Variants in NALF1 observed in about 807,000 individuals in gnomAD.
NALF1 encodes NALCN channel auxiliary factor 1, also known as family with sequence similarity 155 member A.
In NALF1, 3 loss-of-function variants were observed where a neutral mutation model predicts 48.4. The ratio of observed to expected loss-of-function variants is 0.06; its 90% CI spans 0.03 to 0.16. The LOEUF (loss-of-function observed/expected upper bound fraction) is 0.16. NALF1 is among the 10% of genes least tolerant of loss of function. The pLI, the probability that NALF1 is intolerant of heterozygous loss-of-function variation, is 1.00. For synonymous variants in NALF1, 262 were observed against 245.7 expected, an observed-to-expected ratio of 1.07 and a Z score of -0.62; for missense variants, 526 against 571.5, an observed-to-expected ratio of 0.92 and a Z score of 0.81.
At chr13:107,839,256 G>A (rs1368133273) in intron 1 of NALF1, among the ~76,000 whole-genome samples, 2 of 150,894 alleles carry the variant, frequency 1.3e-5, no homozygotes, top group African/African-American at 2.4e-5. Context: ...ATGTAAAATC[G>A]TAGGTGTTAT....
chr13:107,585,031 T>G (rs550951593), intron 1 of NALF1, among the ~76,000 whole-genome samples: 1 of 152,238 alleles, frequency 6.6e-6, no homozygotes, highest in South Asian at 2.1e-4. Context: ...AGATAAAATG[T>G]GACATAACTG....
At chr13:107,585,238 A>G (rs1275419009) in intron 1 of NALF1, among the ~76,000 whole-genome samples, 2 of 152,180 alleles carry the variant, frequency 1.3e-5, no homozygotes, top group Non-Finnish European at 2.9e-5. Flanking sequence ...CTGAAAATAG[A>G]TACAGATAAA....
chr13:107,839,983 G>T (rs1880000681), intron 1 of NALF1, among the ~76,000 whole-genome samples: 1 of 151,030 alleles, frequency 6.6e-6, no homozygotes, highest in African/African-American at 2.4e-5. Flanking sequence ...ATGCTCTTAT[G>T]TAGACAAAGG....
In NALF1 at chr13:107,479,623, G is replaced by T. The variant is rs75685899; in HGVS notation, c.916-268868C>A. 5.9e-3 allele frequency among the ~76,000 whole-genome samples: 879 copies of T among 148,546 alleles called. 29 individuals carry two copies. In the East Asian group the frequency reaches 0.1, roughly 18 times the overall value. On this transcript the variant is annotated intron_variant, in intron 1 of 2. Coordinates refer to ENST00000375915, the MANE Select transcript of NALF1 (RefSeq NM_001080396.3). ...TTAAAGTACTAGATGAAATTTTAAG[G>T]GAGATTTGCTCTTGGAAAAAAAAAT... is the stretch of plus-strand genomic sequence containing the variant.
intron 1 of NALF1, among the ~76,000 whole-genome samples, chr13:107,648,489 T>A (rs1880369070): frequency 6.6e-6 from 1 of 152,192 alleles, no homozygotes; most frequent in South Asian, 2.1e-4. Flanking sequence ...TTAATGTTTA[T>A]CTGTGTCTTT....
rs143739999 is a variant in NALF1 at position 107,631,875 on chromosome 13, A to G, written c.915+233807T>C. 6.7e-3 allele frequency among the ~76,000 whole-genome samples: 1,025 copies of G among 152,252 alleles called. 10 individuals carry two copies. The highest frequency in any genetic ancestry group is 0.023 in the African/African-American group (957 of 41,544). On this transcript the variant is annotated intron_variant, in intron 1 of 2. Transcript: ENST00000375915. ...CAACCAGAAAAACATCAGTTAAGCC[A>G]CATAATTCTCTCTCGTGCCACAGCC... is the stretch of plus-strand genomic sequence containing the variant.
At chr13:107,722,692 C>T (rs1876020451) in intron 1 of NALF1, among the ~76,000 whole-genome samples, 1 of 152,188 alleles carries the variant, frequency 6.6e-6, no homozygotes, top group Admixed American at 6.5e-5. Flanking sequence ...GGGCTATCTC[C>T]ACTCGTGGGG....
At position 107,210,675 on chromosome 13, in the gene NALF1, T is replaced by C. The variant is rs1275851359; in HGVS notation, c.996A>G (p.Gln332=). 1.2e-6 allele frequency: 2 copies of C among 1,611,896 alleles called. No individual in the cohort carries two copies. Among genetic ancestry groups the C allele is most frequent in the African/African-American group, 2.7e-5 (2 of 74,860 alleles). ...FNCRKTIPCK[Q]YCLEVQTRCP... ...ACCTCGTCTGAACCTCCAAACAGTATTGCTTGCAAGGAATTGTCTTTCTGC... is the reference window on the plus strand; with the variant it reads ...ACCTCGTCTGAACCTCCAAACAGTACTGCTTGCAAGGAATTGTCTTTCTGC... Residue 332 remains glutamine, a synonymous_variant, in exon 2 of 3, where the codon CAA becomes CAG. Coordinates refer to ENST00000375915, the MANE Select transcript of NALF1 (RefSeq NM_001080396.3).
chr13:107,543,348 CAT>C (rs751628535), intron 1 of NALF1, among the ~76,000 whole-genome samples: 60 of 152,136 alleles, frequency 3.9e-4, no homozygotes, highest in Middle Eastern at 6.8e-3. Flanking sequence ...AAAAAAACCA[CAT>C]GTCATGAATT....
intron 1 of NALF1, among the ~76,000 whole-genome samples, chr13:107,527,393 G>A (rs559976819): frequency 1.3e-5 from 2 of 152,250 alleles, no homozygotes; most frequent in South Asian, 2.1e-4. Context: ...AGATATGTTC[G>A]ATTTTGGAAG....
At chr13:107,559,309 T>A (rs1323769207) in intron 1 of NALF1, among the ~76,000 whole-genome samples, 1 of 152,186 alleles carries the variant, frequency 6.6e-6, no homozygotes, top group Non-Finnish European at 1.5e-5. Context: ...TGCTCGCTTA[T>A]GTATTTTGCC....
intron 1 of NALF1, among the ~76,000 whole-genome samples, chr13:107,570,819 T>C (rs974884081): frequency 2.0e-5 from 3 of 152,048 alleles, no homozygotes; most frequent in Non-Finnish European, 2.9e-5. Context: ...TTTGTACATA[T>C]ATTTATTTTA....
chr13:107,824,000 T>TATTATG (rs2138620009), intron 1 of NALF1, among the ~76,000 whole-genome samples: 1 of 151,880 alleles, frequency 6.6e-6, no homozygotes, highest in East Asian at 1.9e-4. Context: ...TTATTATTAT[T>TATTATG]ATTATTGGTC....
At chr13:107,214,191 C>G (rs919298714) in intron 1 of NALF1, among the ~76,000 whole-genome samples, 3 of 152,180 alleles carry the variant, frequency 2.0e-5, no homozygotes, top group African/African-American at 7.2e-5. Context: ...TTCCCAACGT[C>G]TTTCTAGAAG....
chr13:107,189,221 GGAGA>G (rs1004473042), intron 2 of NALF1, among the ~76,000 whole-genome samples: 1 of 152,162 alleles, frequency 6.6e-6, no homozygotes, highest in Non-Finnish European at 1.5e-5. Flanking sequence ...TATTTCACCA[GGAGA>G]ACAAAGACTG....
chr13:107,585,430 C>T (rs1878429468), intron 1 of NALF1, among the ~76,000 whole-genome samples: 1 of 151,868 alleles, frequency 6.6e-6, no homozygotes, highest in Admixed American at 6.6e-5. Context: ...CACCCTTAGT[C>T]AAGGCCAATA....
At chr13:107,401,469 T>C (rs1333642890) in intron 1 of NALF1, among the ~76,000 whole-genome samples, 1 of 152,202 alleles carries the variant, frequency 6.6e-6, no homozygotes, top group Non-Finnish European at 1.5e-5. Context: ...TGCCCACTAG[T>C]AATGATGCTG....
At chr13:107,515,689 C>T (rs2139091331) in intron 1 of NALF1, among the ~76,000 whole-genome samples, 1 of 152,328 alleles carries the variant, frequency 6.6e-6, no homozygotes, top group African/African-American at 2.4e-5. Context: ...CCATGCTCTC[C>T]TTGTCAGCAT....
intron 1 of NALF1, among the ~76,000 whole-genome samples, chr13:107,570,454 T>A (rs1482393418): frequency 6.6e-6 from 1 of 151,952 alleles, no homozygotes; most frequent in Non-Finnish European, 1.5e-5. Context: ...GATCCCATAA[T>A]TTTTTCCTTT....
Sources: allele counts gnomAD v4.1 joint callset (sites outside exome capture counted in the v4.1 genomes callset), GRCh38; gene constraint gnomAD v4.1.1; transcripts MANE v1.5; gene names NCBI Gene and HGNC (gene_info 2026-07-23, HGNC 2026-07-21).